ZMAT1: variants seen among roughly 807,000 people sequenced by gnomAD.
ZMAT1 encodes the protein zinc finger matrin-type 1.
A neutral mutation model predicts 18.5 loss-of-function variants in ZMAT1; 11 were observed. The ratio of observed to expected loss-of-function variants is 0.59; its 90% confidence interval spans 0.37 to 0.98. The LOEUF (loss-of-function observed/expected upper bound fraction) is 0.98. ZMAT1 is among the 50% of genes least tolerant of loss of function. The pLI, the probability that ZMAT1 is intolerant of heterozygous loss-of-function variation, is 0.01. For synonymous variants in ZMAT1, 211 were observed against 176.4 expected (o/e 1.20, Z -1.55); for missense variants, 525 against 496.2 (o/e 1.06, Z -0.55).
chrX:101,884,859 T>A, intron 5 of ZMAT1, 38 bp from the exon 6 acceptor site: 1 of 797,323 alleles, frequency 1.3e-6, no homozygotes, highest in Non-Finnish European at 1.8e-6. Flanking sequence ...ATTAGATTAT[T>A]TTATTCTAAA....
rs764587226 is a variant in ZMAT1, at chrX:101,911,924, G to A, written c.293-7594C>T. On this transcript the variant is annotated intron_variant, in intron 1 of 5. Coordinates refer to ENST00000651725, the MANE Select transcript of ZMAT1 (RefSeq NM_001394560.1). ...TGGGGAAAAGTCCCATGGGTGTCAC[G>A]ATTGCGGAAAGTCCTTTAGGCAGAG... 494 of 1,204,589 alleles carry A rather than the reference G, an allele frequency of 4.1e-4. 1 individual carries two copies. The highest frequency in any genetic ancestry group is 4.7e-4 in the Non-Finnish European group (416 of 891,399).
chrX:101,888,570 G>A (rs980658925), intron 4 of ZMAT1: 1 of 111,743 alleles, frequency 8.9e-6, no homozygotes, highest in African/African-American at 3.2e-5. Context: ...CTTTTTGAAA[G>A]CTTTACACAC....
At chrX:101,895,137 G>A (rs757052452) in intron 4 of ZMAT1, among the ~76,000 whole-genome samples, 5 of 111,299 alleles carry the variant, frequency 4.5e-5, no homozygotes, top group African/African-American at 9.8e-5. Flanking sequence ...ACAAAAATGC[G>A]CCTGTCGGCT....
chrX:101,899,409 C>T (rs925437265), intron 2 of ZMAT1, among the ~76,000 whole-genome samples: 7 of 111,285 alleles, frequency 6.3e-5, no homozygotes, highest in African/African-American at 1.6e-4. Context: ...ACCCAGCACC[C>T]GAGCAGTATA....
chrX:101,892,693 A>C (rs953223937), intron 4 of ZMAT1: 7 of 737,306 alleles, frequency 9.5e-6, no homozygotes, highest in Non-Finnish European at 1.1e-5. Context: ...TAAATAAAAA[A>C]TACATACATA....
At chrX:101,907,409 C>T (rs754068872) in intron 1 of ZMAT1, among the ~76,000 whole-genome samples, 33 of 112,483 alleles carry the variant, frequency 2.9e-4, no homozygotes, top group African/African-American at 9.0e-4. Context: ...ATGGCCTGCC[C>T]GGGAATCTCT....
chrX:101,926,362 C>T lies in ZMAT1; in HGVS notation c.292+5355G>A, dbSNP rs773258261. ...GTTGGATTGTGCCTACTCCAAATAG[C>T]AGCACTATTATGTGAAAGTAAAGTA... On this transcript the variant is annotated intron_variant, in intron 1 of 5. Transcript: ENST00000651725. Among the ~76,000 whole-genome samples the T allele has an allele frequency of 2.6e-4, 29 of 112,411 alleles. No homozygotes were observed. The East Asian group carries it at 7.8e-3, about 30-fold the overall frequency.
intron 1 of ZMAT1, among the ~76,000 whole-genome samples, chrX:101,928,227 G>A (rs752535095): frequency 8.9e-6 from 1 of 112,340 alleles, no homozygotes; most frequent in South Asian, 3.7e-4. Context: ...CTATTATTGA[G>A]TTGTTTAGTA....
chrX:101,931,898 CGCCGCT>C lies in ZMAT1; in HGVS notation c.105_110del (p.Ala43_Ala44del), dbSNP rs1194011757. The C allele has an allele frequency of 6.3e-6, 5 of 796,619 alleles. No homozygotes were observed. The highest frequency in any genetic ancestry group is 1.4e-4 in the East Asian group (1 of 7,117). 65.7% of individuals were successfully genotyped at this position (796,619 alleles called of 1,213,427 possible). On this transcript the variant is annotated inframe_deletion, in exon 1 of 6. Transcript: ENST00000651725. Reference sequence around the variant, plus strand: ...TTACTGCCGCCGCCGCCGCCGCCGCCGCCGCTGCCGCGCAGGCGGTGTAGGAGGAGG... The same window carrying C: ...TTACTGCCGCCGCCGCCGCCGCCGCCGCCGCGCAGGCGGTGTAGGAGGAGG...
intron 5 of ZMAT1, 92 bp from the exon 6 acceptor site, chrX:101,884,913 C>A (rs375316195): frequency 3.7e-6 from 2 of 546,124 alleles, no homozygotes; most frequent in Non-Finnish European, 5.5e-6. Flanking sequence ...AAAACAAAAA[C>A]AACAAATTTA....
chrX:101,889,659 A>G (rs1359421965), intron 4 of ZMAT1: 1 of 111,858 alleles, frequency 8.9e-6, no homozygotes, highest in African/African-American at 3.2e-5. Context: ...AGCTCCTCAC[A>G]TGATTCTAAT....
At chrX:101,898,263 G>T in intron 2 of ZMAT1, 43 bp from the exon 3 acceptor site, 1 of 1,110,422 alleles carries the variant, frequency 9.0e-7, no homozygotes, top group Middle Eastern at 2.5e-4. Flanking sequence ...CAATAAAAGA[G>T]TCATTCAAAA....
In ZMAT1 at chrX:101,894,195, G is replaced by T. The variant is rs147027291; in HGVS notation, c.676+3673C>A. Among the ~76,000 whole-genome samples, 4 of 111,515 alleles carry T rather than the reference G, an allele frequency of 3.6e-5. No individual in the cohort carries two copies. The East Asian group carries it at 1.1e-3, about 32-fold the overall frequency. On this transcript the variant is annotated intron_variant, in intron 4 of 5. Transcript: ENST00000651725. ...CACCTACAGATCTTGTTAAAATGCA[G>T]ATTCTGATTCCGTAGGTCTGCAGTG...
intron 1 of ZMAT1, among the ~76,000 whole-genome samples, chrX:101,914,977 C>T (rs927654549): frequency 4.5e-5 from 5 of 111,511 alleles, no homozygotes; most frequent in Middle Eastern, 4.7e-3. Context: ...TACATTAGAA[C>T]GATCATTCAT....
chrX:101,921,385 G>C (rs980119938), intron 1 of ZMAT1, among the ~76,000 whole-genome samples: 2 of 112,218 alleles, frequency 1.8e-5, no homozygotes, highest in Non-Finnish European at 3.8e-5. Flanking sequence ...TTTTAAGACA[G>C]CATTATTTAT....
chrX:101,908,846 C>T (rs193155353), intron 1 of ZMAT1, among the ~76,000 whole-genome samples: 42 of 111,262 alleles, frequency 3.8e-4, no homozygotes, highest in African/African-American at 1.0e-3. Context: ...TACCGCAATT[C>T]GTAGGCGAGT....
Position 101,898,211 on chromosome X carries a change from G to GT in ZMAT1, c.408dup (p.His137ThrfsTer6). On this transcript the variant is annotated frameshift_variant, in exon 3 of 6. Coordinates refer to ENST00000651725, the MANE Select transcript of ZMAT1 (RefSeq NM_001394560.1). LOFTEE classifies it high-confidence loss of function. The stretch of plus-strand genomic sequence containing the variant: ...AAATAAAAACTAACATTTTGAGCAT[G>GT]TTTTTCACCCTGAAAAAAGATATAA... 2 of 1,203,707 alleles carry GT rather than the reference G, an allele frequency of 1.7e-6. No homozygotes were observed. Among genetic ancestry groups the GT allele is most frequent in the Non-Finnish European group, 2.2e-6 (2 of 889,082 alleles).
chrX:101,916,698 T>G (rs757033459), intron 1 of ZMAT1, among the ~76,000 whole-genome samples: 2 of 111,725 alleles, frequency 1.8e-5, no homozygotes, highest in Non-Finnish European at 3.8e-5. Flanking sequence ...AAAATTTATA[T>G]GGAACTACAG....
At chrX:101,909,057 C>T (rs1189846434) in intron 1 of ZMAT1, among the ~76,000 whole-genome samples, 1 of 108,997 alleles carries the variant, frequency 9.2e-6, no homozygotes, top group African/African-American at 3.3e-5. Context: ...AGGACTTTGC[C>T]TTGCATCTTG....
Sources: allele counts gnomAD v4.1 joint callset (sites outside exome capture counted in the v4.1 genomes callset), GRCh38; gene constraint gnomAD v4.1.1; transcripts MANE v1.5; gene names NCBI Gene and HGNC (gene_info 2026-07-23, HGNC 2026-07-21).